Variants in SNAP25 observed in about 807,000 individuals in gnomAD.
SNAP25 encodes the protein synaptosomal-associated protein 25.
SNAP25 carries 3 observed loss-of-function variants against 28.7 expected under a neutral mutation model. The ratio of observed to expected loss-of-function variants is 0.10; its 90% CI spans 0.05 to 0.27. The LOEUF (loss-of-function observed/expected upper bound fraction) is 0.27. Among genes scored for constraint, SNAP25 ranks in the 10% least tolerant of loss-of-function variants. SNAP25 has a pLI of 1.00. For synonymous variants in SNAP25, 61 were observed against 88.1 expected, an observed-to-expected ratio of 0.69 and a Z score of 1.72; for missense variants, 117 against 278.7, an observed-to-expected ratio of 0.42 and a Z score of 4.13.
At chr20:10,250,325 A>C (rs2063203635) in intron 1 of SNAP25, among the ~76,000 whole-genome samples, 1 of 152,204 alleles carries the variant, frequency 6.6e-6, no homozygotes, top group Non-Finnish European at 1.5e-5. Flanking sequence ...TGGAAGAGGT[A>C]TGGTATGGCT....
At chr20:10,265,883 T>C (rs2063498145) in intron 1 of SNAP25, among the ~76,000 whole-genome samples, 1 of 152,174 alleles carries the variant, frequency 6.6e-6, no homozygotes, top group Admixed American at 6.5e-5. Flanking sequence ...CGTGATCCAA[T>C]CCAATAAGTC....
intron 1 of SNAP25, among the ~76,000 whole-genome samples, chr20:10,243,122 T>C (rs1013587133): frequency 3.3e-5 from 5 of 152,194 alleles, no homozygotes; most frequent in Non-Finnish European, 7.3e-5. Context: ...TTTCCAGACC[T>C]TGCCTGCACA....
intron 1 of SNAP25, among the ~76,000 whole-genome samples, chr20:10,229,327 A>T (rs1171362807): frequency 6.6e-6 from 1 of 152,108 alleles, no homozygotes. Context: ...GTATGTGCAC[A>T]CAATACACAA....
intron 1 of SNAP25, among the ~76,000 whole-genome samples, chr20:10,238,908 T>TAAC (rs2062972580): frequency 6.6e-6 from 1 of 150,598 alleles, no homozygotes; most frequent in African/African-American, 2.4e-5. Context: ...CCGTTTCAAA[T>TAAC]AATAATAATA....
intron 3 of SNAP25, among the ~76,000 whole-genome samples, chr20:10,283,713 C>T (rs149546846): frequency 3.7e-4 from 56 of 152,302 alleles, no homozygotes; most frequent in Non-Finnish European, 1.5e-5. Context: ...GGAAAATAAG[C>T]ACCATGAGAG....
chr20:10,286,018 C>T (rs188488857), intron 4 of SNAP25, among the ~76,000 whole-genome samples: 2 of 152,266 alleles, frequency 1.3e-5, no homozygotes, highest in African/African-American at 4.8e-5. Flanking sequence ...AAAGGGCACT[C>T]ATCTTTGACC....
At chr20:10,248,215 C>T (rs1043854726) in intron 1 of SNAP25, among the ~76,000 whole-genome samples, 1 of 152,206 alleles carries the variant, frequency 6.6e-6, no homozygotes, top group African/African-American at 2.4e-5. Flanking sequence ...GTATACTTGG[C>T]TTTAAGGATA....
At chr20:10,233,919 T>C (rs2062871316) in intron 1 of SNAP25, among the ~76,000 whole-genome samples, 1 of 152,176 alleles carries the variant, frequency 6.6e-6, no homozygotes. Context: ...GGTGGCTCTT[T>C]TATGTGCTTT....
intron 1 of SNAP25, among the ~76,000 whole-genome samples, chr20:10,269,506 T>C (rs532775900): frequency 3.3e-5 from 5 of 152,230 alleles, no homozygotes; most frequent in Non-Finnish European, 7.3e-5. Flanking sequence ...AGAAAAAATA[T>C]ACCATGTGTG....
chr20:10,300,985 G>GA (rs139079374), intron 7 of SNAP25, among the ~76,000 whole-genome samples: 2,424 of 151,950 alleles, frequency 0.016, 67 homozygotes, highest in African/African-American at 0.055. Context: ...AAAACAATTT[G>GA]AAAAAAACAG....
intron 1 of SNAP25, among the ~76,000 whole-genome samples, chr20:10,230,680 C>T (rs1487549058): frequency 6.6e-6 from 1 of 152,136 alleles, no homozygotes; most frequent in Admixed American, 6.5e-5. Context: ...TTCCTTCAAA[C>T]CTTCACATCT....
chr20:10,225,654 C>T (rs540631864), intron 1 of SNAP25, among the ~76,000 whole-genome samples: 24 of 152,212 alleles, frequency 1.6e-4, no homozygotes, highest in East Asian at 1.4e-3. Context: ...AGACTGTTGG[C>T]ACTTTCTGCT....
Position 10,229,903 on chromosome 20 carries a change from GAAGAA to G in SNAP25, c.-64+10936_-64+10940del, listed in dbSNP as rs2062798510. On this transcript the variant is annotated intron_variant, in intron 1 of 7. Transcript: ENST00000254976. ...AAGCAGAATTTGGGGGAAAAAAGAAGAAGAAAAGAAAAGATTACAACCAGCAACCA... is the reference window on the plus strand; with the variant it reads ...AAGCAGAATTTGGGGGAAAAAAGAAGAAGAAAAGATTACAACCAGCAACCA... Among the ~76,000 whole-genome samples, 4 of 152,168 alleles carry G rather than the reference GAAGAA, an allele frequency of 2.6e-5. No individual in the cohort carries two copies. The South Asian group carries it at 8.3e-4, about 32-fold the overall frequency.
chr20:10,291,354 G>A (rs144926168), intron 4 of SNAP25, among the ~76,000 whole-genome samples: 1,682 of 152,170 alleles, frequency 0.011, 41 homozygotes, highest in African/African-American at 0.038. Flanking sequence ...GGGATCACAG[G>A]CATGAGCCAC....
At chr20:10,303,503 A>T (rs2064288717) in intron 7 of SNAP25, among the ~76,000 whole-genome samples, 1 of 152,192 alleles carries the variant, frequency 6.6e-6, no homozygotes, top group Non-Finnish European at 1.5e-5. Context: ...CACGATATGA[A>T]CTGAATACAG....
chr20:10,297,149 C>T, intron 6 of SNAP25, 99 bp downstream of exon 6: 2 of 1,348,990 alleles, frequency 1.5e-6, no homozygotes, highest in South Asian at 3.2e-5. Flanking sequence ...TTTTATTGCT[C>T]ATTAATCTAC....
chr20:10,288,199 CAT>C (rs2063923786), intron 4 of SNAP25, among the ~76,000 whole-genome samples: 1 of 151,708 alleles, frequency 6.6e-6, no homozygotes, highest in Non-Finnish European at 1.5e-5. Context: ...AATAAATAAA[CAT>C]ATACACTCAA....
At chr20:10,248,268 T>A (rs1395914944) in intron 1 of SNAP25, among the ~76,000 whole-genome samples, 1 of 152,168 alleles carries the variant, frequency 6.6e-6, no homozygotes, top group Admixed American at 6.5e-5. Flanking sequence ...CATAAAATAG[T>A]TTATAGCCAA....
intron 1 of SNAP25, among the ~76,000 whole-genome samples, chr20:10,247,824 A>G (rs1234805623): frequency 1.3e-5 from 2 of 152,230 alleles, no homozygotes; most frequent in Non-Finnish European, 2.9e-5. Flanking sequence ...CTTTGTAACA[A>G]ATGACCCTCA....
Sources: allele counts gnomAD v4.1 joint callset (sites outside exome capture counted in the v4.1 genomes callset), GRCh38; gene constraint gnomAD v4.1.1; transcripts MANE v1.5; gene names NCBI Gene and HGNC (gene_info 2026-07-23, HGNC 2026-07-21).